The following TENM2 variants were observed in gnomAD, a reference collection of about 807,000 sequenced individuals.
TENM2 encodes the protein teneurin transmembrane protein 2.
Under a neutral mutation model 245.2 loss-of-function variants are expected in TENM2, and 52 were observed. The observed-to-expected ratio is 0.21, with a 90% confidence interval of 0.17 to 0.27. The LOEUF is 0.27. Among genes scored for constraint, TENM2 ranks in the 10% least tolerant of loss-of-function variants. The pLI, the probability that TENM2 is intolerant of heterozygous loss-of-function variation, is 1.00. For missense variants in TENM2, 3,046 were observed against 3,666.8 expected (o/e 0.83, Z 4.37); for synonymous variants, 1,363 against 1,438.9 (o/e 0.95, Z 1.19).
chr5:167,141,181 A>G, the TENM2 span, among the ~76,000 whole-genome samples: 5 of 152,208 alleles, frequency 3.3e-5, no homozygotes, highest in Admixed American at 3.3e-4. Flanking sequence ...CGCTTCATGC[A>G]TACGCAGCTC....
chr5:167,380,426 C>T (rs1171824490), intron 2 of TENM2, among the ~76,000 whole-genome samples: 1 of 152,058 alleles, frequency 6.6e-6, no homozygotes, highest in African/African-American at 2.4e-5. Context: ...GCAATTCTTA[C>T]GTTACTGTAA....
the TENM2 span, among the ~76,000 whole-genome samples, chr5:167,179,980 C>T: frequency 2.0e-5 from 3 of 152,174 alleles, no homozygotes; most frequent in Admixed American, 6.5e-5. Flanking sequence ...CAGGACTTGG[C>T]GAAGCTGGAG....
chr5:167,622,222 G>A (rs1778219621), intron 2 of TENM2, among the ~76,000 whole-genome samples: 1 of 152,070 alleles, frequency 6.6e-6, no homozygotes, highest in South Asian at 2.1e-4. Flanking sequence ...CAGCAGCTTG[G>A]CTGAGGGAGA....
chr5:168,215,078 C>T (rs751544072), exon 21 of TENM2: 4 of 1,613,846 alleles, frequency 2.5e-6, no homozygotes. Flanking sequence ...GCAGTGGACC[C>T]CGTGTCCGGC....
intron 23 of TENM2, among the ~76,000 whole-genome samples, chr5:168,225,577 A>G (rs1764093104): frequency 6.6e-6 from 1 of 152,166 alleles, no homozygotes. Context: ...ATTGGCCAAC[A>G]TGGCAAAACC....
At chr5:167,147,648 A>G in the TENM2 span, among the ~76,000 whole-genome samples, 5 of 152,174 alleles carry the variant, frequency 3.3e-5, no homozygotes, top group Non-Finnish European at 1.5e-5. Context: ...TCTTTCATCC[A>G]TGAATCACTC....
chr5:167,147,702 T>G, the TENM2 span, among the ~76,000 whole-genome samples: 1 of 152,184 alleles, frequency 6.6e-6, no homozygotes, highest in Non-Finnish European at 1.5e-5. Flanking sequence ...TCTGGTATTG[T>G]ACTAGGTGCT....
chr5:167,101,849 T>TTATTTATATATATATATATATA, the TENM2 span, among the ~76,000 whole-genome samples: 1 of 69,456 alleles, frequency 1.4e-5, no homozygotes, highest in Non-Finnish European at 2.6e-5. Flanking sequence ...ATATATATAT[T>TTATTTATATATATATATATATA]TATATATATA....
chr5:167,022,223 A>G, the TENM2 span, among the ~76,000 whole-genome samples: 2 of 152,236 alleles, frequency 1.3e-5, no homozygotes, highest in African/African-American at 4.8e-5. Flanking sequence ...TAATTGAATA[A>G]CAAAGTCTAA....
intron 2 of TENM2, among the ~76,000 whole-genome samples, chr5:167,481,066 T>C (rs943518253): frequency 1.3e-5 from 2 of 152,350 alleles, no homozygotes; most frequent in East Asian, 1.9e-4. Flanking sequence ...TATTTTGTAC[T>C]GTCTGGTTGT....
intron 2 of TENM2, among the ~76,000 whole-genome samples, chr5:167,651,673 C>A (rs1754473052): frequency 6.6e-6 from 1 of 152,122 alleles, no homozygotes; most frequent in Non-Finnish European, 1.5e-5. Flanking sequence ...ATGGGAATAT[C>A]ACTCTGCCCT....
At chr5:167,312,176 CAT>C (rs1372261556) in intron 1 of TENM2, among the ~76,000 whole-genome samples, 1 of 152,076 alleles carries the variant, frequency 6.6e-6, no homozygotes, top group Non-Finnish European at 1.5e-5. Context: ...TCACATGTAA[CAT>C]ATTACACATA....
chr5:167,783,762 C>T (rs552276317), intron 2 of TENM2, among the ~76,000 whole-genome samples: 1 of 152,216 alleles, frequency 6.6e-6, no homozygotes, highest in South Asian at 2.1e-4. Flanking sequence ...ACCAGCAAAT[C>T]GCTTGGTCCT....
chr5:167,673,586 G>T (rs1262964133), intron 2 of TENM2, among the ~76,000 whole-genome samples: 7 of 152,102 alleles, frequency 4.6e-5, no homozygotes, highest in Admixed American at 2.0e-4. Context: ...CCAAATGCTT[G>T]TAGTAGCATA....
At chr5:167,872,333 A>AG (rs746102387) in intron 2 of TENM2, among the ~76,000 whole-genome samples, 1 of 92,468 alleles carries the variant, frequency 1.1e-5, no homozygotes, top group African/African-American at 3.4e-5. Context: ...AAAGAAAGAA[A>AG]GAAAGAAAGA....
chr5:167,947,994 G>T (rs1779772091), intron 3 of TENM2, among the ~76,000 whole-genome samples: 1 of 152,088 alleles, frequency 6.6e-6, no homozygotes, highest in Non-Finnish European at 1.5e-5. Flanking sequence ...TCGATGCTTG[G>T]CAAAAGTAGA....
intron 2 of TENM2, among the ~76,000 whole-genome samples, chr5:167,686,590 T>C (rs1757092658): frequency 6.6e-6 from 1 of 152,192 alleles, no homozygotes; most frequent in African/African-American, 2.4e-5. Flanking sequence ...GATGTGTTTC[T>C]ATGGTAACCC....
intron 2 of TENM2, among the ~76,000 whole-genome samples, chr5:167,650,363 G>A (rs1754371350): frequency 6.6e-6 from 1 of 152,200 alleles, no homozygotes; most frequent in Non-Finnish European, 1.5e-5. Context: ...GGCTAAAGGA[G>A]AGGTAATAAT....
intron 2 of TENM2, among the ~76,000 whole-genome samples, chr5:167,677,399 T>A (rs941657386): frequency 4.0e-5 from 6 of 151,794 alleles, no homozygotes; most frequent in Non-Finnish European, 7.4e-5. Context: ...AGAGAACAAC[T>A]GCTTTTTTTT....
Sources: allele counts gnomAD v4.1 joint callset (sites outside exome capture counted in the v4.1 genomes callset), GRCh38; gene constraint gnomAD v4.1.1; transcripts MANE v1.5; gene names NCBI Gene and HGNC (gene_info 2026-07-23, HGNC 2026-07-21).